The following BICC1 variants were observed in gnomAD, a reference collection of about 807,000 sequenced individuals.
BICC1 encodes the protein protein bicaudal C homolog 1.
A neutral mutation model predicts 111.0 loss-of-function variants in BICC1; 43 were observed. The observed-to-expected ratio is 0.39, with a 90% CI of 0.30 to 0.50. BICC1 has a LOEUF of 0.50. Among genes scored for constraint, BICC1 ranks in the 20% least tolerant of loss-of-function variants. The pLI is 0.88. For missense variants in BICC1, 1,091 were observed against 1,203.2 expected, an observed-to-expected ratio of 0.91 and a Z score of 1.38; for synonymous variants, 467 against 434.4, an observed-to-expected ratio of 1.07 and a Z score of -0.93.
At chr10:58,782,613 A>G (rs1349553450) in intron 3 of BICC1, among the ~76,000 whole-genome samples, 1 of 152,242 alleles carries the variant, frequency 6.6e-6, no homozygotes, top group Non-Finnish European at 1.5e-5. Flanking sequence ...GTCAACCAGC[A>G]GTAACTAAAA....
intron 1 of BICC1, among the ~76,000 whole-genome samples, chr10:58,589,962 TG>T (rs931967227): frequency 1.3e-5 from 2 of 152,118 alleles, no homozygotes; most frequent in African/African-American, 4.8e-5. Context: ...CACACCCCTT[TG>T]CCTGGCTTAA....
chr10:58,823,093 C>T (rs1377419275), intron 20 of BICC1: 2 of 345,894 alleles, frequency 5.8e-6, no homozygotes, highest in South Asian at 1.2e-4. Flanking sequence ...GGAAAATTCA[C>T]AGATTTTTCT....
intron 3 of BICC1, among the ~76,000 whole-genome samples, chr10:58,757,834 T>C (rs1842188103): frequency 6.6e-6 from 1 of 152,232 alleles, no homozygotes; most frequent in Admixed American, 6.5e-5. Flanking sequence ...TCAGATCAGC[T>C]GTGTACAGCT....
chr10:58,603,328 T>G (rs1460018334), intron 1 of BICC1, among the ~76,000 whole-genome samples: 1 of 152,206 alleles, frequency 6.6e-6, no homozygotes, highest in Non-Finnish European at 1.5e-5. Context: ...ATAAGTAGTG[T>G]TGATTTCACC....
chr10:58,736,830 G>C (rs1165776896), intron 3 of BICC1, among the ~76,000 whole-genome samples: 1 of 152,114 alleles, frequency 6.6e-6, no homozygotes, highest in Admixed American at 6.6e-5. Context: ...GGTGAGCTGA[G>C]TAGTGCTAGG....
intron 4 of BICC1, 45 bp downstream of exon 4, chr10:58,785,125 A>G (rs2132786868): frequency 3.5e-6 from 4 of 1,149,448 alleles, no homozygotes; most frequent in South Asian, 1.6e-5. Flanking sequence ...CCTTGTCTCT[A>G]CAAGGGCTAC....
At chr10:58,776,817 C>T (rs965003695) in intron 3 of BICC1, among the ~76,000 whole-genome samples, 1 of 152,144 alleles carries the variant, frequency 6.6e-6, no homozygotes, top group African/African-American at 2.4e-5. Flanking sequence ...TTCTTTCCTC[C>T]CCTTCCCAGA....
chr10:58,620,023 A>G (rs1243800209), intron 1 of BICC1, among the ~76,000 whole-genome samples: 4 of 152,116 alleles, frequency 2.6e-5, no homozygotes, highest in African/African-American at 9.7e-5. Context: ...CTCATTAATC[A>G]CTATTCCACC....
intron 3 of BICC1, among the ~76,000 whole-genome samples, chr10:58,715,106 GAATAA>G (rs954674526): frequency 7.9e-5 from 12 of 151,570 alleles, no homozygotes; most frequent in Non-Finnish European, 1.6e-4. Context: ...TTAGGAGGGA[GAATAA>G]ACGACATCTT....
chr10:58,522,033 T>A (rs1842405035), intron 1 of BICC1, among the ~76,000 whole-genome samples: 4 of 151,902 alleles, frequency 2.6e-5, no homozygotes, highest in Admixed American at 2.0e-4. Flanking sequence ...AAGCTAGTAC[T>A]TTTTCCACAT....
chr10:58,671,519 G>A (rs1404628705), intron 2 of BICC1, among the ~76,000 whole-genome samples: 1 of 152,118 alleles, frequency 6.6e-6, no homozygotes, highest in East Asian at 1.9e-4. Flanking sequence ...ACTTAGTTAT[G>A]TGCCTTGGGT....
chr10:58,557,147 A>G (rs1380044421), intron 1 of BICC1, among the ~76,000 whole-genome samples: 3 of 152,066 alleles, frequency 2.0e-5, no homozygotes, highest in Admixed American at 1.3e-4. Context: ...CGTTGAGTAA[A>G]TAATTCTAGG....
intron 3 of BICC1, among the ~76,000 whole-genome samples, chr10:58,727,812 A>T (rs1046340187): frequency 1.3e-5 from 2 of 152,248 alleles, no homozygotes; most frequent in African/African-American, 4.8e-5. Flanking sequence ...GTTTAGTTCC[A>T]GACTACCTCA....
intron 3 of BICC1, among the ~76,000 whole-genome samples, chr10:58,766,104 A>C (rs997187118): frequency 3.3e-5 from 5 of 152,146 alleles, no homozygotes; most frequent in African/African-American, 1.2e-4. Flanking sequence ...CCTCCTGCTG[A>C]TTCGAAGGTC....
intron 1 of BICC1, among the ~76,000 whole-genome samples, chr10:58,585,113 A>C (rs1844393941): frequency 6.6e-6 from 1 of 152,168 alleles, no homozygotes. Flanking sequence ...TGCTTTGTGA[A>C]CCGGATCAAT....
intron 2 of BICC1, among the ~76,000 whole-genome samples, chr10:58,626,181 G>GT (rs1469286976): frequency 6.6e-6 from 1 of 152,172 alleles, no homozygotes; most frequent in Non-Finnish European, 1.5e-5. Context: ...TGAGAAAGCT[G>GT]TGCAGCATTA....
chr10:58,656,787 C>T (rs901509306), intron 2 of BICC1, among the ~76,000 whole-genome samples: 1 of 152,152 alleles, frequency 6.6e-6, no homozygotes, highest in African/African-American at 2.4e-5. Context: ...AACTCAATTA[C>T]TTCATGTTTT....
intron 2 of BICC1, among the ~76,000 whole-genome samples, chr10:58,635,919 A>G (rs1023941011): frequency 6.6e-6 from 1 of 152,188 alleles, no homozygotes; most frequent in Non-Finnish European, 1.5e-5. Context: ...CCAGCCTGTG[A>G]TGACAGTTCC....
intron 3 of BICC1, among the ~76,000 whole-genome samples, chr10:58,738,818 G>A (rs1374933654): frequency 6.6e-6 from 1 of 151,808 alleles, no homozygotes; most frequent in Non-Finnish European, 1.5e-5. Flanking sequence ...CTTGTAAGTT[G>A]GATTCCTAGG....
Sources: gnomAD v4.1 joint callset for allele counts (sites outside exome capture counted in the v4.1 genomes callset) on GRCh38, gnomAD v4.1.1 for gene constraint, MANE v1.5 for transcripts, NCBI Gene and HGNC (gene_info 2026-07-23, HGNC 2026-07-21) for gene names.